The following CPB2 variants were observed in gnomAD, a reference collection of about 807,000 sequenced individuals.
The protein encoded by CPB2 is carboxypeptidase B-like protein.
A neutral mutation model predicts 57.0 loss-of-function variants in CPB2; 54 were observed. The observed-to-expected ratio is 0.95, with a 90% CI of 0.76 to 1.19. The LOEUF (loss-of-function observed/expected upper bound fraction) is 1.19. Ranked by LOEUF, CPB2 falls within the 50% of genes most tolerant of loss-of-function variation. CPB2 has a pLI of 0.00. For synonymous variants in CPB2, 189 were observed against 178.1 expected, an observed-to-expected ratio of 1.06 and a Z score of -0.49; for missense variants, 426 against 512.0, an observed-to-expected ratio of 0.83 and a Z score of 1.62.
intron 2 of CPB2, among the ~76,000 whole-genome samples, chr13:46,085,409 G>T (rs1434190132): frequency 6.6e-6 from 1 of 152,144 alleles, no homozygotes; most frequent in Non-Finnish European, 1.5e-5. Context: ...AATACAGTTG[G>T]CTGGTGTTTT....
At chr13:46,061,790 C>A (rs534854045) in intron 8 of CPB2, among the ~76,000 whole-genome samples, 7 of 152,262 alleles carry the variant, frequency 4.6e-5, no homozygotes, top group East Asian at 3.9e-4. Context: ...CACACACACA[C>A]ACAAAATTTT....
intron 1 of CPB2, among the ~76,000 whole-genome samples, chr13:46,093,930 G>C (rs537889807): frequency 6.6e-6 from 1 of 152,158 alleles, no homozygotes; most frequent in East Asian, 1.9e-4. Context: ...TCACCAGGAT[G>C]GTGAAATTTT....
chr13:46,073,406 A>G (rs1431248527), intron 6 of CPB2: 1 of 827,392 alleles, frequency 1.2e-6, no homozygotes, highest in African/African-American at 1.9e-5. Flanking sequence ...CAGGAACAAA[A>G]TTCCCTATTA....
intron 8 of CPB2, among the ~76,000 whole-genome samples, chr13:46,061,187 A>G (rs17844119): frequency 0.034 from 5,148 of 151,942 alleles, 110 homozygotes; most frequent in Non-Finnish European, 0.044. Context: ...CAAATTTTAT[A>G]TTGCATGTAT....
chr13:46,076,877 A>G (rs1353548936), intron 5 of CPB2, among the ~76,000 whole-genome samples: 3 of 152,144 alleles, frequency 2.0e-5, no homozygotes, highest in Non-Finnish European at 4.4e-5. Context: ...GAAAAATTTT[A>G]TTCATAAAAT....
Position 46,053,552 on chromosome 13 carries a change from G to A in CPB2, c.*62C>T, listed in dbSNP as rs2044615901. The A allele has an allele frequency of 6.4e-6, 10 of 1,568,404 alleles. No individual in the cohort carries two copies. Among genetic ancestry groups the A allele is most frequent in the Non-Finnish European group, 8.7e-6 (10 of 1,155,466 alleles). ...AAACTTAAAAATAATTTGATACAAT[G>A]ATTTGGTCTTGCTGGAATCAGTAAA... On this transcript the variant is annotated 3_prime_UTR_variant, in exon 11 of 11. Transcript: ENST00000181383.
At chr13:46,059,177 C>G (rs1288228906) in intron 8 of CPB2, among the ~76,000 whole-genome samples, 3 of 152,212 alleles carry the variant, frequency 2.0e-5, no homozygotes, top group Non-Finnish European at 4.4e-5. Flanking sequence ...AATAGTAATA[C>G]TACCAGCTGA....
In CPB2 at chr13:46,053,327, G is replaced by C; in HGVS notation, c.*287C>G. The C allele has an allele frequency of 3.7e-6, 1 of 271,282 alleles. No homozygotes were observed. Among genetic ancestry groups the C allele is most frequent in the Non-Finnish European group, 7.0e-6 (1 of 143,092 alleles). 16.8% of individuals were successfully genotyped at this position (271,282 alleles called of 1,614,324 possible). On this transcript the variant is annotated 3_prime_UTR_variant, in exon 11 of 11. Transcript: ENST00000181383. ...TCATTGATTAAACTTGCTTGAGATG[G>C]CTAGTCAAACGTCGAAACTTGCTTG...
At chr13:46,097,977 C>T (rs952985670) in intron 1 of CPB2, among the ~76,000 whole-genome samples, 5 of 152,156 alleles carry the variant, frequency 3.3e-5, no homozygotes, top group Non-Finnish European at 4.4e-5. Flanking sequence ...ATCAGGAAGG[C>T]GAGGAGTTAC....
At chr13:46,053,820 T>G (rs1380823981) in intron 10 of CPB2, 22 bp from the exon 11 acceptor site, 1 of 1,601,160 alleles carries the variant, frequency 6.2e-7, no homozygotes, top group Non-Finnish European at 8.5e-7. Flanking sequence ...AGAAAGAAAT[T>G]GTTGAAATAC....
intron 4 of CPB2, among the ~76,000 whole-genome samples, chr13:46,080,750 C>T (rs2139389308): frequency 6.6e-6 from 1 of 152,218 alleles, no homozygotes; most frequent in East Asian, 1.9e-4. Flanking sequence ...GCGAGCAGAT[C>T]ACTTGAGCTC....
At chr13:46,095,789 G>A (rs2045356695) in intron 1 of CPB2, among the ~76,000 whole-genome samples, 1 of 151,306 alleles carries the variant, frequency 6.6e-6, no homozygotes, top group African/African-American at 2.4e-5. Context: ...GCTTCTTGCA[G>A]CTAATAACTG....
chr13:46,094,862 G>C (rs992993915), intron 1 of CPB2: 1 of 152,184 alleles, frequency 6.6e-6, no homozygotes, highest in Non-Finnish European at 1.5e-5. Flanking sequence ...GATCTGAGCT[G>C]TTCTTAGACC....
chr13:46,100,588 C>G (rs1164520804), intron 1 of CPB2: 1 of 152,104 alleles, frequency 6.6e-6, no homozygotes, highest in Non-Finnish European at 1.5e-5. Flanking sequence ...AGGGGGACTT[C>G]CAGGAGATAA....
chr13:46,099,012 T>C (rs540181654), intron 1 of CPB2: 2 of 152,340 alleles, frequency 1.3e-5, no homozygotes, highest in Middle Eastern at 3.4e-3. Flanking sequence ...AATATTCTGC[T>C]ACAGGAATAC....
At position 46,104,952 on chromosome 13, in the gene CPB2, C is replaced by T. The variant is rs776036401; in HGVS notation, c.58G>A (p.Val20Ile). ...VPIVLFCEQH[V>I]FAFQSGQVLA... is the part of the protein sequence containing the mutation. The stretch of plus-strand genomic sequence containing the variant: ...TTGGGTTACCTCTGAAACGCGAAGA[C>T]ATGCTGCTCACAGAAGAGAACAATG... The change falls in exon 1 of 11, where the codon GTC becomes ATC. Residue 20 changes from valine to isoleucine, a missense_variant. By Grantham distance (29) the Val-to-Ile change is conservative (BLOSUM62 3). Transcript: ENST00000181383. 1.2e-6 allele frequency: 2 copies of T among 1,613,992 alleles called. No homozygotes were observed. Among genetic ancestry groups the T allele is most frequent in the Non-Finnish European group, 1.7e-6 (2 of 1,179,900 alleles).
intron 5 of CPB2, among the ~76,000 whole-genome samples, chr13:46,076,424 C>T (rs2045023617): frequency 6.7e-6 from 1 of 148,562 alleles, no homozygotes; most frequent in Non-Finnish European, 1.5e-5. Flanking sequence ...ATAAATCTAA[C>T]CAAAGAAGTG....
intron 1 of CPB2, 137 bp downstream of exon 1, chr13:46,104,799 C>T (rs781494004): frequency 5.0e-5 from 45 of 908,950 alleles, no homozygotes; most frequent in Admixed American, 1.5e-4. Context: ...TTTGTCAGGG[C>T]AACTTGGAAA....
Position 46,064,724 on chromosome 13 carries a change from C to T in CPB2, c.720G>A (p.Lys240=). 6.2e-7 allele frequency: 1 copy of T among 1,614,078 alleles called. No homozygotes were observed. The highest frequency in any genetic ancestry group is 8.5e-7 in the Non-Finnish European group (1 of 1,179,950). Residue 240 remains lysine (K), a synonymous_variant, in exon 8 of 11, where the codon AAG becomes AAA. Transcript: ENST00000181383. ...YSWKKNRMWR[K]NRSFYANNHC... is the part of the protein sequence containing the mutation. ...GATTGTTCGCATAGAAAGAACGGTT[C>T]TTTCTCCACATTCGATTCTACATAA...
Sources: allele counts gnomAD v4.1 joint callset (sites outside exome capture counted in the v4.1 genomes callset), GRCh38; gene constraint gnomAD v4.1.1; transcripts MANE v1.5; gene names NCBI Gene and HGNC (gene_info 2026-07-23, HGNC 2026-07-21).